Variants in EML1 observed in about 807,000 individuals in gnomAD.
EML1 encodes EMAP like 1, also known as echinoderm microtubule-associated protein-like 1.
Under a neutral mutation model 110.4 loss-of-function variants are expected in EML1, and 27 were observed. The observed-to-expected ratio is 0.24, with a 90% confidence interval of 0.18 to 0.34. EML1 has a LOEUF of 0.34. Among genes scored for constraint, EML1 ranks in the 10% least tolerant of loss-of-function variants. The pLI is 1.00. For synonymous variants in EML1, 344 were observed against 385.8 expected, an observed-to-expected ratio of 0.89 and a Z score of 1.27; for missense variants, 741 against 1,030.9, an observed-to-expected ratio of 0.72 and a Z score of 3.85.
intron 2 of EML1, among the ~76,000 whole-genome samples, chr14:99,858,545 A>G (rs940145013): frequency 6.6e-6 from 1 of 152,078 alleles, no homozygotes; most frequent in Admixed American, 6.5e-5. Flanking sequence ...AGTGTATTCA[A>G]CCAGTCCCTG....
upstream of EML1, among the ~76,000 whole-genome samples, chr14:99,792,142 T>A (rs1166683960): frequency 3.3e-5 from 5 of 152,214 alleles, 1 homozygote; most frequent in South Asian, 1.0e-3. Context: ...CAGAGCCCTG[T>A]CCCTCACCTG....
chr14:99,911,387 C>G, intron 12 of EML1, 35 bp from the exon 13 acceptor site: 1 of 1,547,954 alleles, frequency 6.5e-7, no homozygotes. Context: ...AACCTTTTGA[C>G]AATGTGCTAA....
At chr14:99,811,293 A>C (rs1298119314) in intron 1 of EML1, among the ~76,000 whole-genome samples, 2 of 151,922 alleles carry the variant, frequency 1.3e-5, no homozygotes, top group Non-Finnish European at 2.9e-5. Context: ...TGATCCACCC[A>C]CGTCGGCCTC....
chr14:99,760,682 A>G (rs2057305870), intron 1 of EML1, among the ~76,000 whole-genome samples: 1 of 152,192 alleles, frequency 6.6e-6, no homozygotes, highest in Non-Finnish European at 1.5e-5. Flanking sequence ...CTTTGCAGAC[A>G]GACTGGGAGC....
intron 16 of EML1, 82 bp from the exon 17 acceptor site, chr14:99,920,707 C>A (rs965161908): frequency 4.6e-6 from 5 of 1,090,832 alleles, no homozygotes; most frequent in Non-Finnish European, 3.9e-6. Flanking sequence ...TTATGATTAA[C>A]AATTTTTATT....
intron 5 of EML1, among the ~76,000 whole-genome samples, chr14:99,892,446 C>T (rs2059603937): frequency 6.6e-6 from 1 of 152,066 alleles, no homozygotes; most frequent in Non-Finnish European, 1.5e-5. Flanking sequence ...CTATGTAAAC[C>T]TTAAGAGAGC....
chr14:99,739,752 C>T (rs2057021011), intron 1 of EML1, among the ~76,000 whole-genome samples: 1 of 152,164 alleles, frequency 6.6e-6, no homozygotes, highest in Non-Finnish European at 1.5e-5. Context: ...AGGGGGTCTT[C>T]TGGAGCACAC....
chr14:99,849,212 G>A (rs1187431138), intron 1 of EML1, among the ~76,000 whole-genome samples: 2 of 152,016 alleles, frequency 1.3e-5, no homozygotes, highest in Middle Eastern at 6.3e-3. Context: ...TATTTTGCTT[G>A]CTTTCTTGGA....
In EML1 at chr14:99,781,202, T is replaced by C. The variant is rs1242133541; in HGVS notation, c.-27+7189T>C. Among the ~76,000 whole-genome samples, 2 of 151,924 alleles carry C rather than the reference T, an allele frequency of 1.3e-5. No homozygotes were observed. The highest frequency in any genetic ancestry group is 4.8e-5 in the African/African-American group (2 of 41,334). ...ATTCTTTCCTCTAATTCTTTCCTCCTCCCATCAAGTGTGCTTGGCTCTTCC... is the reference window on the plus strand; with the variant it reads ...ATTCTTTCCTCTAATTCTTTCCTCCCCCCATCAAGTGTGCTTGGCTCTTCC... On this transcript the variant is annotated intron_variant, in intron 1 of 22. Coordinates refer to the EML1 transcript ENST00000327921. This position sits in a 1 kb window ranked among gnomAD's most constrained non-coding sequence, Gnocchi z 4.2.
chr14:99,903,898 C>T (rs573646969), intron 9 of EML1, among the ~76,000 whole-genome samples: 1 of 152,008 alleles, frequency 6.6e-6, no homozygotes, highest in Non-Finnish European at 1.5e-5. Flanking sequence ...ATTCTCCCAC[C>T]TCACCTCCCT....
chr14:99,760,759 G>A (rs940426394), intron 1 of EML1, among the ~76,000 whole-genome samples: 7 of 152,024 alleles, frequency 4.6e-5, no homozygotes, highest in Non-Finnish European at 5.9e-5. Context: ...TGAGCCAGAC[G>A]GTCCCTCAGT....
At chr14:99,765,101 C>A (rs2057354462) in intron 1 of EML1, among the ~76,000 whole-genome samples, 1 of 152,054 alleles carries the variant, frequency 6.6e-6, no homozygotes. Context: ...CCATGCACAG[C>A]TAATTTTTTT....
intron 17 of EML1, among the ~76,000 whole-genome samples, chr14:99,925,964 C>T (rs2060225950): frequency 6.6e-6 from 1 of 152,178 alleles, no homozygotes; most frequent in Non-Finnish European, 1.5e-5. Flanking sequence ...GGAGTGAGCC[C>T]TTTTACCACA....
chr14:99,778,617 G>A (rs1402101113), intron 1 of EML1, among the ~76,000 whole-genome samples: 2 of 152,066 alleles, frequency 1.3e-5, no homozygotes, highest in African/African-American at 2.4e-5. Flanking sequence ...CAACTCCCTC[G>A]TTTTGGTGAA....
At chr14:99,842,001 C>T (rs1223470366) in intron 1 of EML1, among the ~76,000 whole-genome samples, 1 of 145,800 alleles carries the variant, frequency 6.9e-6, no homozygotes, top group Non-Finnish European at 1.5e-5. Flanking sequence ...CCCTCTAACA[C>T]TGTAAAGTGA....
At chr14:99,795,015 A>G (rs527752180) in intron 1 of EML1, among the ~76,000 whole-genome samples, 24 of 152,380 alleles carry the variant, frequency 1.6e-4, no homozygotes, top group African/African-American at 5.5e-4. Context: ...TGCTTATGGT[A>G]GAATTCTCCC....
chr14:99,913,340 AT>A (rs1283345253), intron 13 of EML1, among the ~76,000 whole-genome samples: 1 of 151,476 alleles, frequency 6.6e-6, no homozygotes, highest in Non-Finnish European at 1.5e-5. Flanking sequence ...TACCCAGCTA[AT>A]TTTTTTTGTA....
At chr14:99,787,539 A>G (rs2057614779) in intron 1 of EML1, among the ~76,000 whole-genome samples, 1 of 152,060 alleles carries the variant, frequency 6.6e-6, no homozygotes, top group South Asian at 2.1e-4. Flanking sequence ...TTGGCCTCCC[A>G]AAGTGCTGGT....
Position 99,939,572 on chromosome 14 carries a change from G to GC in EML1, c.2322+248dup, listed in dbSNP as rs2060542723. ...TGCAGCCCCACAGGCTCACGACCCC[G>GC]CCCTCCCCCACGGCTCCCTTGCTCC... On this transcript the variant is annotated intron_variant, in intron 21 of 21. Transcript: ENST00000262233. The surrounding 1 kb of genome is among the most constrained non-coding windows in gnomAD (Gnocchi z 4.2). Among the ~76,000 whole-genome samples the GC allele has an allele frequency of 6.6e-6, 1 of 151,968 alleles. No homozygotes were observed. The highest frequency in any genetic ancestry group is 2.4e-5 in the African/African-American group (1 of 41,366).
Sources: gnomAD v4.1 joint callset for allele counts (sites outside exome capture counted in the v4.1 genomes callset) on GRCh38, gnomAD v4.1.1 for gene constraint, Gnocchi (gnomAD v3.1) non-coding constraint, MANE v1.5 for transcripts, NCBI Gene and HGNC (gene_info 2026-07-23, HGNC 2026-07-21) for gene names.